PACS1: variants seen among roughly 807,000 people sequenced by gnomAD.
PACS1 encodes PACS-1.
A neutral mutation model predicts 115.0 loss-of-function variants in PACS1; 24 were observed. The observed-to-expected ratio is 0.21, with a 90% confidence interval of 0.15 to 0.29. The LOEUF (loss-of-function observed/expected upper bound fraction) is 0.29, where lower values mean the gene tolerates loss of function less well. Among genes scored for constraint, PACS1 ranks in the 10% least tolerant of loss-of-function variants. PACS1 has a pLI of 1.00. For missense variants in PACS1, 838 were observed against 1,251.2 expected, an observed-to-expected ratio of 0.67 and a Z score of 4.98; for synonymous variants, 453 against 504.5, an observed-to-expected ratio of 0.90 and a Z score of 1.37.
At chr11:66,202,742 A>T (rs11530810) in intron 2 of PACS1, among the ~76,000 whole-genome samples, 58 of 71,450 alleles carry the variant, frequency 8.1e-4, no homozygotes, top group African/African-American at 1.2e-3. Context: ...AAAAAAAAAA[A>T]ATATATATAT....
intron 8 of PACS1, 113 bp downstream of exon 8, chr11:66,219,918 T>C: frequency 1.2e-6 from 1 of 845,450 alleles, no homozygotes; most frequent in Non-Finnish European, 2.0e-6. Flanking sequence ...AGGATTAATA[T>C]TCCTGCTCCC....
chr11:66,173,317 C>T (rs1459328947), intron 1 of PACS1, among the ~76,000 whole-genome samples: 2 of 152,076 alleles, frequency 1.3e-5, no homozygotes, highest in East Asian at 3.8e-4. Flanking sequence ...TATTTTCTTT[C>T]AGCATATTGA....
intron 1 of PACS1, among the ~76,000 whole-genome samples, chr11:66,083,168 A>G (rs747984844): frequency 1.6e-4 from 24 of 152,202 alleles, no homozygotes; most frequent in Non-Finnish European, 2.2e-4. Flanking sequence ...TTTGCTGTGG[A>G]TGAAAATGAA....
In PACS1 at chr11:66,216,970, A is replaced by G. The variant is rs1855228056; in HGVS notation, c.978+195A>G. The G allele has an allele frequency of 6.9e-6, 4 of 582,178 alleles. 1 individual carries two copies. Among genetic ancestry groups the G allele is most frequent in the Non-Finnish European group, 1.2e-5 (4 of 325,252 alleles). 36.1% of individuals were successfully genotyped at this position (582,178 alleles called of 1,614,324 possible). ...GTTGTTGGGAACCACAATTACTGAT[A>G]AGAGTGTTATATCCTTCAGGTTATC... On this transcript the variant is annotated intron_variant, in intron 7 of 23. Coordinates refer to ENST00000320580, the MANE Select transcript of PACS1 (RefSeq NM_018026.4).
intron 11 of PACS1, among the ~76,000 whole-genome samples, chr11:66,230,133 G>T (rs1295636735): frequency 4.0e-4 from 37 of 92,252 alleles, no homozygotes; most frequent in African/African-American, 1.4e-3. Flanking sequence ...AAGGAATGGG[G>T]CTAAAAAAAA....
chr11:66,160,141 T>C (rs1268068715), intron 1 of PACS1, among the ~76,000 whole-genome samples: 2 of 152,192 alleles, frequency 1.3e-5, no homozygotes, highest in African/African-American at 4.8e-5. Context: ...TTCAACACAT[T>C]AGCGCAATGT....
At chr11:66,075,251 G>GT (rs905880767) in intron 1 of PACS1, among the ~76,000 whole-genome samples, 27 of 151,600 alleles carry the variant, frequency 1.8e-4, no homozygotes, top group African/African-American at 6.3e-4. Flanking sequence ...CCTTTGTTTT[G>GT]TTTTTTTGAG....
At chr11:66,205,265 A>G (rs1345671450) in intron 2 of PACS1, among the ~76,000 whole-genome samples, 3 of 151,996 alleles carry the variant, frequency 2.0e-5, no homozygotes, top group Non-Finnish European at 4.4e-5. Context: ...GATTACAGGC[A>G]TGAGCCACCA....
chr11:66,195,958 T>A (rs1414609778), intron 2 of PACS1, among the ~76,000 whole-genome samples: 1 of 152,222 alleles, frequency 6.6e-6, no homozygotes, highest in Non-Finnish European at 1.5e-5. Flanking sequence ...GCATGTTGAC[T>A]TTTGCACTGA....
chr11:66,158,276 T>C (rs1333936200), intron 1 of PACS1, among the ~76,000 whole-genome samples: 1 of 152,170 alleles, frequency 6.6e-6, no homozygotes, highest in Admixed American at 6.5e-5. Flanking sequence ...GCCTGCACTT[T>C]GAAAAACAAA....
intron 1 of PACS1, among the ~76,000 whole-genome samples, chr11:66,182,023 G>A (rs751619717): frequency 1.3e-5 from 2 of 152,212 alleles, no homozygotes; most frequent in Non-Finnish European, 2.9e-5. Context: ...TTTTATAGAT[G>A]AGAAAGCTTA....
At chr11:66,134,254 CT>C (rs1162472902) in intron 1 of PACS1, among the ~76,000 whole-genome samples, 1,361 of 74,972 alleles carry the variant, frequency 0.018, 7 homozygotes, top group East Asian at 0.13. Context: ...TTTTCTTTTT[CT>C]TTTTTTTTTT....
rs529960539 is a variant in PACS1, at chr11:66,233,236, C to T, written c.1838+170C>T. The stretch of plus-strand genomic sequence containing the variant: ...CAGCAGGCTGTAGGGCTTGAGGCCC[C>T]GGCAGACCCCAGAGGATCGGGGGTG... On this transcript the variant is annotated intron_variant, in intron 15 of 23. Coordinates refer to ENST00000320580, the MANE Select transcript of PACS1 (RefSeq NM_018026.4). The surrounding 1 kb of genome is among the most constrained non-coding windows in gnomAD (Gnocchi z 4.5). Among the ~76,000 whole-genome samples the T allele has an allele frequency of 5.9e-5, 9 of 152,260 alleles. No individual in the cohort carries two copies. The highest frequency in any genetic ancestry group is 2.1e-4 in the South Asian group (1 of 4,830).
At chr11:66,124,517 TTATG>T (rs1858526734) in intron 1 of PACS1, among the ~76,000 whole-genome samples, 1 of 152,218 alleles carries the variant, frequency 6.6e-6, no homozygotes, top group Non-Finnish European at 1.5e-5. Context: ...GGGTCCACGT[TTATG>T]TATTGAATGG....
At chr11:66,073,336 T>G (rs528798944) in intron 1 of PACS1, among the ~76,000 whole-genome samples, 49 of 152,350 alleles carry the variant, frequency 3.2e-4, no homozygotes, top group African/African-American at 1.1e-3. Flanking sequence ...TGTGGAGGGA[T>G]TAACATTCTT....
chr11:66,090,270 T>TC (rs1857637786), intron 1 of PACS1, among the ~76,000 whole-genome samples: 1 of 140,192 alleles, frequency 7.1e-6, no homozygotes, highest in Non-Finnish European at 1.6e-5. Flanking sequence ...TTCTTTCCTT[T>TC]CTTTTTTTTT....
chr11:66,082,849 CTG>C (rs1400733143), intron 1 of PACS1, among the ~76,000 whole-genome samples: 1 of 152,152 alleles, frequency 6.6e-6, no homozygotes. Flanking sequence ...GAGCAAAACT[CTG>C]TTTCAAAAAA....
intron 1 of PACS1, among the ~76,000 whole-genome samples, chr11:66,164,060 A>G (rs1175354954): frequency 2.6e-5 from 4 of 152,198 alleles, no homozygotes; most frequent in Non-Finnish European, 5.9e-5. Flanking sequence ...GAGAGAATGC[A>G]AGTAAGAAAG....
intron 1 of PACS1, among the ~76,000 whole-genome samples, chr11:66,127,168 A>G (rs1858598174): frequency 6.6e-6 from 1 of 152,142 alleles, no homozygotes; most frequent in Non-Finnish European, 1.5e-5. Context: ...CTGTCTACAC[A>G]ATGTCTGTAG....
Sources: allele counts gnomAD v4.1 joint callset (sites outside exome capture counted in the v4.1 genomes callset), GRCh38; gene constraint gnomAD v4.1.1; non-coding constraint Gnocchi (gnomAD v3.1); transcripts MANE v1.5; gene names NCBI Gene and HGNC (gene_info 2026-07-23, HGNC 2026-07-21).